Variants in UBAP2 observed in about 807,000 individuals in gnomAD.
UBAP2 encodes the protein ubiquitin-associated protein 2.
UBAP2 carries 75 observed loss-of-function variants against 139.6 expected under a neutral mutation model. The observed-to-expected ratio is 0.54, with a 90% CI of 0.45 to 0.65. The LOEUF is 0.65. Ranked by LOEUF, UBAP2 falls within the 30% of genes least tolerant of loss-of-function variation. The pLI is 0.00. For synonymous variants in UBAP2, 526 were observed against 526.2 expected, an observed-to-expected ratio of 1.00 and a Z score of 0.01; for missense variants, 1,368 against 1,369.6, an observed-to-expected ratio of 1.00 and a Z score of 0.02.
At chr9:33,937,708 G>C (rs977136055) in intron 16 of UBAP2, among the ~76,000 whole-genome samples, 1 of 144,912 alleles carries the variant, frequency 6.9e-6, no homozygotes, top group Non-Finnish European at 1.5e-5. Flanking sequence ...AGGAGTTCAA[G>C]ACCAGCCTGG....
chr9:34,011,210 A>G (rs1425261724), intron 2 of UBAP2, among the ~76,000 whole-genome samples: 1 of 152,186 alleles, frequency 6.6e-6, no homozygotes, highest in African/African-American at 2.4e-5. Flanking sequence ...ATATGTTTCT[A>G]CATTATCATT....
At chr9:34,016,526 T>G (rs1479903688) in intron 2 of UBAP2, among the ~76,000 whole-genome samples, 1 of 151,936 alleles carries the variant, frequency 6.6e-6, no homozygotes, top group African/African-American at 2.4e-5. Context: ...TTCCTTACTA[T>G]TCTTCATTAC....
intron 1 of UBAP2, among the ~76,000 whole-genome samples, chr9:34,041,590 G>A (rs758785786): frequency 4.6e-5 from 7 of 151,842 alleles, no homozygotes; most frequent in Non-Finnish European, 8.8e-5. Flanking sequence ...CCAGCTACTC[G>A]GGAGGCCGAG....
At chr9:34,012,915 C>T (rs1823887190) in intron 2 of UBAP2, among the ~76,000 whole-genome samples, 1 of 151,124 alleles carries the variant, frequency 6.6e-6, no homozygotes, top group African/African-American at 2.4e-5. Flanking sequence ...GTTTGGGAAG[C>T]TGAGGTGGGC....
intron 19 of UBAP2, chr9:33,928,224 A>G (rs1342411202): frequency 1.1e-5 from 5 of 466,310 alleles, no homozygotes; most frequent in South Asian, 5.0e-5. Flanking sequence ...CATCAAAACT[A>G]TTAACATTAA....
chr9:33,923,502 A>G (rs773557547), intron 24 of UBAP2, 24 bp from the exon 25 acceptor site: 3 of 1,611,160 alleles, frequency 1.9e-6, no homozygotes, highest in East Asian at 4.5e-5. Context: ...CAGATGAGGT[A>G]TTAGTGTAGG....
At chr9:34,035,157 A>C (rs1323389101) in intron 1 of UBAP2, among the ~76,000 whole-genome samples, 1 of 151,914 alleles carries the variant, frequency 6.6e-6, no homozygotes, top group Non-Finnish European at 1.5e-5. Context: ...TGGTCTCCTA[A>C]TTGTCAAATC....
At chr9:34,035,800 G>C (rs1826313751) in intron 1 of UBAP2, among the ~76,000 whole-genome samples, 1 of 151,726 alleles carries the variant, frequency 6.6e-6, no homozygotes, top group Non-Finnish European at 1.5e-5. Context: ...CCCTACACTT[G>C]GTCAAACCAG....
In UBAP2 at chr9:33,923,894, C is replaced by T. The variant is rs776909929; in HGVS notation, c.2697G>A (p.Gln899=). Residue 899 remains glutamine (Q), a synonymous_variant, in exon 24 of 29, where the codon CAG becomes CAA. Coordinates refer to ENST00000379238, the MANE Select transcript of UBAP2 (RefSeq NM_001370062.2). The stretch of plus-strand genomic sequence containing the variant: ...GTGGCAGTGCAGGATTCACGAAGGG[C>T]TGCTGGGCTGTGTGGTGGGTCTGTG... ...SQSQTHHTAQ[Q]PFVNPALPPG... is the part of the protein sequence containing the mutation. The T allele has an allele frequency of 1.9e-6, 3 of 1,614,224 alleles. No homozygotes were observed. The highest frequency in any genetic ancestry group is 2.5e-6 in the Non-Finnish European group (3 of 1,180,036).
chr9:33,922,286 G>A lies in UBAP2; in HGVS notation c.*218C>T, dbSNP rs935057874. The A allele has an allele frequency of 9.6e-5, 53 of 552,770 alleles. No homozygotes were observed. Among genetic ancestry groups the A allele is most frequent in the South Asian group, 4.4e-4 (21 of 47,698 alleles). 34.2% of individuals were successfully genotyped at this position (552,770 alleles called of 1,614,324 possible). ...AGGGCAGACCTGGCTAACATCTGCC[G>A]CCATCCCCCAACTCCCCCCCAGACT... is the stretch of plus-strand genomic sequence containing the variant. On this transcript the variant is annotated 3_prime_UTR_variant, in exon 29 of 29. Transcript: ENST00000379238.
At chr9:33,923,499 G>A (rs1386758704) in intron 24 of UBAP2, 21 bp from the exon 25 acceptor site, 3 of 1,611,934 alleles carry the variant, frequency 1.9e-6, no homozygotes, top group Non-Finnish European at 1.7e-6. Flanking sequence ...AAGCAGATGA[G>A]GTATTAGTGT....
intron 8 of UBAP2, among the ~76,000 whole-genome samples, chr9:33,970,510 T>C (rs1717809667): frequency 6.6e-6 from 1 of 150,538 alleles, no homozygotes; most frequent in Non-Finnish European, 1.5e-5. Context: ...GCTCACTGCA[T>C]CCTCAACCTG....
chr9:33,953,466 A>AG lies in UBAP2; in HGVS notation c.874dup (p.Leu292ProfsTer21). 6.2e-7 allele frequency: 1 copy of AG among 1,613,986 alleles called. No homozygotes were observed. The highest frequency in any genetic ancestry group is 8.5e-7 in the Non-Finnish European group (1 of 1,179,938). The stretch of plus-strand genomic sequence containing the variant: ...AACAGGCTTCTGGAGCAAGGCTACC[A>AG]GATCAATGCTAAGCAGACAAAAAGC... On this transcript the variant is annotated frameshift_variant, in exon 12 of 29. Coordinates refer to ENST00000379238, the MANE Select transcript of UBAP2 (RefSeq NM_001370062.2). LOFTEE classifies it high-confidence loss of function.
At chr9:34,046,156 C>T (rs771705114) in intron 1 of UBAP2, among the ~76,000 whole-genome samples, 3 of 152,140 alleles carry the variant, frequency 2.0e-5, no homozygotes, top group Non-Finnish European at 4.4e-5. Context: ...TGCTTAAGGG[C>T]AGAGAACTTT....
At chr9:33,928,292 A>C (rs1823653641) in intron 19 of UBAP2, 1 of 343,970 alleles carries the variant, frequency 2.9e-6, no homozygotes, top group East Asian at 4.8e-5. Flanking sequence ...CTTGGCATCC[A>C]AAATGAGGGC....
At chr9:34,004,774 A>G (rs1019431904) in intron 2 of UBAP2, among the ~76,000 whole-genome samples, 3 of 148,722 alleles carry the variant, frequency 2.0e-5, no homozygotes, top group Non-Finnish European at 3.0e-5. Flanking sequence ...AAAGAGCGAG[A>G]TTCTGTCTCC....
At chr9:33,966,326 G>A (rs945487014) in intron 8 of UBAP2, among the ~76,000 whole-genome samples, 1 of 151,758 alleles carries the variant, frequency 6.6e-6, no homozygotes, top group African/African-American at 2.4e-5. Context: ...GGGCATGGTG[G>A]TGCACACCTG....
chr9:33,960,962 G>A, intron 9 of UBAP2, 84 bp from the exon 10 acceptor site: 1 of 1,389,170 alleles, frequency 7.2e-7, no homozygotes, highest in Non-Finnish European at 1.0e-6. Context: ...TGTGTACTAT[G>A]CGGGGAAAAA....
chr9:34,024,686 A>G (rs1032663161), intron 1 of UBAP2, among the ~76,000 whole-genome samples: 5 of 152,148 alleles, frequency 3.3e-5, no homozygotes, highest in Admixed American at 2.6e-4. Context: ...TTAATTTTAC[A>G]TAAAACTTCT....
Sources: gnomAD v4.1 joint callset for allele counts (sites outside exome capture counted in the v4.1 genomes callset) on GRCh38, gnomAD v4.1.1 for gene constraint, MANE v1.5 for transcripts, NCBI Gene and HGNC (gene_info 2026-07-23, HGNC 2026-07-21) for gene names.